VRTN: variants seen among roughly 807,000 people sequenced by gnomAD.
VRTN encodes vertnin.
A neutral mutation model predicts 18.2 loss-of-function variants in VRTN; 5 were observed. That is an observed-to-expected ratio of 0.27 (90% CI 0.14 to 0.58). VRTN has a LOEUF of 0.58. Among genes scored for constraint, VRTN ranks in the 20% least tolerant of loss-of-function variants. The probability of loss-of-function intolerance (pLI) is 0.91; values close to 1 mark genes in which losing one functional copy is unlikely to be tolerated. For synonymous variants in VRTN, 381 were observed against 393.7 expected, an observed-to-expected ratio of 0.97 and a Z score of 0.38; for missense variants, 741 against 939.4, an observed-to-expected ratio of 0.79 and a Z score of 2.76.
chr14:74,328,935 G>A (rs1201585635), intron 1 of VRTN, among the ~76,000 whole-genome samples: 1 of 151,960 alleles, frequency 6.6e-6, no homozygotes, highest in East Asian at 1.9e-4. Context: ...AGGGGTTTGA[G>A]ACCAGACTGG....
upstream of VRTN, among the ~76,000 whole-genome samples, chr14:74,347,381 G>A (rs944502865): frequency 2.8e-4 from 42 of 152,220 alleles, no homozygotes; most frequent in African/African-American, 9.2e-4. Context: ...TTCAAGTGTG[G>A]CGGCTCTTCT....
At chr14:74,320,518 T>C (rs2085448105) in intron 1 of VRTN, among the ~76,000 whole-genome samples, 1 of 133,794 alleles carries the variant, frequency 7.5e-6, no homozygotes, top group African/African-American at 2.7e-5. Context: ...CGCCTTGGCC[T>C]CCCAAAGTGC....
intron 1 of VRTN, among the ~76,000 whole-genome samples, chr14:74,317,820 CA>C (rs962525295): frequency 6.6e-6 from 1 of 150,792 alleles, no homozygotes; most frequent in African/African-American, 2.4e-5. Flanking sequence ...AACAAAAAAA[CA>C]AAAAAAACAA....
At chr14:74,351,508 T>G (rs572031192) in intron 1 of VRTN, among the ~76,000 whole-genome samples, 2 of 149,320 alleles carry the variant, frequency 1.3e-5, no homozygotes, top group East Asian at 2.1e-4. Context: ...TTTTTTTTTT[T>G]TTTTTTTTTT....
At chr14:74,323,828 G>A (rs1192242003) in intron 1 of VRTN, among the ~76,000 whole-genome samples, 1 of 152,024 alleles carries the variant, frequency 6.6e-6, no homozygotes, top group East Asian at 1.9e-4. Flanking sequence ...ATAAAATATG[G>A]CATGCAATAT....
chr14:74,336,617 C>T (rs539434920), intron 1 of VRTN, among the ~76,000 whole-genome samples: 57 of 152,154 alleles, frequency 3.7e-4, no homozygotes, highest in South Asian at 2.9e-3. Flanking sequence ...TGGGTTAGTT[C>T]CCATAGATCT....
chr14:74,310,712 A>T (rs1311906951), intron 1 of VRTN, among the ~76,000 whole-genome samples: 2 of 151,448 alleles, frequency 1.3e-5, no homozygotes, highest in African/African-American at 4.9e-5. Flanking sequence ...TAAATTTTGT[A>T]TTTTTAGTAG....
chr14:74,309,673 G>A (rs1319143728), intron 1 of VRTN, among the ~76,000 whole-genome samples: 1 of 151,922 alleles, frequency 6.6e-6, no homozygotes, highest in African/African-American at 2.4e-5. Context: ...CTCCAGCCTG[G>A]GCAACACAGC....
chr14:74,340,258 A>T (rs751281067), intron 2 of VRTN, among the ~76,000 whole-genome samples: 26 of 152,056 alleles, frequency 1.7e-4, no homozygotes, highest in African/African-American at 4.3e-4. Context: ...GATTATAGGC[A>T]TGTGCCACCA....
intron 1 of VRTN, among the ~76,000 whole-genome samples, chr14:74,316,899 AGT>A (rs987294765): frequency 2.6e-5 from 4 of 151,836 alleles, no homozygotes; most frequent in Non-Finnish European, 4.4e-5. Flanking sequence ...GGCCTCCCAA[AGT>A]GCTGGGATTA....
chr14:74,320,177 G>A (rs1481972484), intron 1 of VRTN, among the ~76,000 whole-genome samples: 1 of 150,958 alleles, frequency 6.6e-6, no homozygotes, highest in African/African-American at 2.4e-5. Context: ...TTAAGCCTCA[G>A]TCTTCGAGGC....
rs1258118379 is a variant in VRTN, at chr14:74,348,479, G to C, written c.-175G>C. ...CCGCTTCCCCACCGGCCAGTTGGCT[G>C]TAGACGGTCCATGCTCAATGGTCCT... On this transcript the variant is annotated 5_prime_UTR_variant, in exon 1 of 2. Transcript: ENST00000256362. 1 of 152,296 alleles carries C rather than the reference G, an allele frequency of 6.6e-6. No individual in the cohort carries two copies. Among genetic ancestry groups the C allele is most frequent in the African/African-American group, 2.4e-5 (1 of 41,470 alleles). 9.4% of individuals were successfully genotyped at this position (152,296 alleles called of 1,614,324 possible).
rs1227848603 is a variant in VRTN at position 74,357,024 on chromosome 14, GGGGAGGGCA to G, written c.243_251del (p.Glu82_Ser84del). The G allele has an allele frequency of 6.2e-7, 1 of 1,609,738 alleles. No homozygotes were observed. The highest frequency in any genetic ancestry group is 2.2e-5 in the East Asian group (1 of 44,810). ...GAACATGCTGCCGCTGGTGTGCAAG[GGGGAGGGCA>G]GCCTGCTGTTCGAGGCGGCCAGCAT... On this transcript the variant is annotated inframe_deletion, in exon 2 of 2. Coordinates refer to ENST00000256362, the MANE Select transcript of VRTN (RefSeq NM_018228.3). The surrounding 1 kb of genome is among the most constrained non-coding windows in gnomAD (Gnocchi z 7.8).
intron 1 of VRTN, among the ~76,000 whole-genome samples, chr14:74,325,404 C>T (rs2085481655): frequency 6.6e-6 from 1 of 151,318 alleles, no homozygotes; most frequent in South Asian, 2.1e-4. Context: ...ATGTATAAAG[C>T]TGTTCCACCA....
chr14:74,323,323 C>T (rs1340022980), intron 1 of VRTN, among the ~76,000 whole-genome samples: 1 of 152,030 alleles, frequency 6.6e-6, no homozygotes, highest in East Asian at 1.9e-4. Flanking sequence ...GTGGCTCATG[C>T]CTGTAATCCC....
intron 1 of VRTN, among the ~76,000 whole-genome samples, chr14:74,315,858 C>T (rs2085416457): frequency 6.6e-6 from 1 of 152,172 alleles, no homozygotes. Flanking sequence ...GGCCCTACTA[C>T]AGCCTCAGCC....
At chr14:74,349,295 G>A (rs560415335) in intron 1 of VRTN, among the ~76,000 whole-genome samples, 2 of 150,836 alleles carry the variant, frequency 1.3e-5, no homozygotes, top group Non-Finnish European at 3.0e-5. Context: ...CAGGGCCACC[G>A]GGGAGGGAGC....
chr14:74,304,704 C>G (rs905797561), intron 1 of VRTN, among the ~76,000 whole-genome samples: 4 of 152,154 alleles, frequency 2.6e-5, no homozygotes, highest in African/African-American at 9.7e-5. Flanking sequence ...AAAATTCCAG[C>G]TTTACCCCAC....
At chr14:74,321,084 T>C (rs952247837) in intron 1 of VRTN, among the ~76,000 whole-genome samples, 5 of 151,266 alleles carry the variant, frequency 3.3e-5, no homozygotes, top group African/African-American at 1.2e-4. Flanking sequence ...AACAGGAAGG[T>C]GAGAAAATAG....
Sources: allele counts gnomAD v4.1 joint callset (sites outside exome capture counted in the v4.1 genomes callset), GRCh38; gene constraint gnomAD v4.1.1; non-coding constraint Gnocchi (gnomAD v3.1); transcripts MANE v1.5; gene names NCBI Gene and HGNC (gene_info 2026-07-23, HGNC 2026-07-21).